POFUT3: variants seen among roughly 807,000 people sequenced by gnomAD.
The protein encoded by POFUT3 is GDP-fucose protein O-fucosyltransferase 3.
the POFUT3 span, among the ~76,000 whole-genome samples, chr8:33,444,534 T>A: frequency 6.6e-6 from 1 of 152,072 alleles, no homozygotes; most frequent in East Asian, 1.9e-4. Context: ...AATAATTATC[T>A]GGGCCGGGCG....
At chr8:33,339,074 A>T in the POFUT3 span, 2 of 152,214 alleles carry the variant, frequency 1.3e-5, no homozygotes, top group Non-Finnish European at 1.5e-5. Context: ...CAATCAATAG[A>T]TGCAACTACC....
the POFUT3 span, among the ~76,000 whole-genome samples, chr8:33,339,619 A>G: frequency 1.3e-5 from 2 of 152,310 alleles, no homozygotes; most frequent in East Asian, 3.9e-4. Flanking sequence ...ACATCAAGAC[A>G]TATCACATCA....
At chr8:33,431,544 T>A in the POFUT3 span, among the ~76,000 whole-genome samples, 1 of 41,336 alleles carries the variant, frequency 2.4e-5, no homozygotes, top group Non-Finnish European at 4.4e-5. Context: ...CAAGACCCTG[T>A]CTCAAAAAAA....
chr8:33,377,689 A>G, the POFUT3 span: 3 of 152,354 alleles, frequency 2.0e-5, no homozygotes, highest in East Asian at 5.8e-4. Flanking sequence ...CTGATGAAGT[A>G]GTTATGACAG....
the POFUT3 span, among the ~76,000 whole-genome samples, chr8:33,339,829 T>C: frequency 6.6e-6 from 1 of 152,128 alleles, no homozygotes; most frequent in South Asian, 2.1e-4. Flanking sequence ...AACAAAAATA[T>C]TCTTCAGAGA....
chr8:33,394,910 GCA>G, the POFUT3 span, among the ~76,000 whole-genome samples: 1 of 152,318 alleles, frequency 6.6e-6, no homozygotes, highest in South Asian at 2.1e-4. Context: ...TTCATAAAGA[GCA>G]CAGAGTCAGC....
chr8:33,319,674 ATT>A, the POFUT3 span, among the ~76,000 whole-genome samples: 3 of 76,320 alleles, frequency 3.9e-5, 1 homozygote, highest in Non-Finnish European at 6.6e-5. Context: ...TTTTATATAT[ATT>A]TATATATTAT....
chr8:33,389,887 T>C, the POFUT3 span: 2 of 883,610 alleles, frequency 2.3e-6, no homozygotes, highest in South Asian at 3.3e-5. Flanking sequence ...TACAGAGGAG[T>C]CTGAGGCTAT....
the POFUT3 span, among the ~76,000 whole-genome samples, chr8:33,334,091 T>C: frequency 5.9e-5 from 9 of 152,202 alleles, no homozygotes; most frequent in Non-Finnish European, 8.8e-5. Context: ...GCCAACAAGC[T>C]GAAAGTTACC....
the POFUT3 span, among the ~76,000 whole-genome samples, chr8:33,330,613 A>G: frequency 6.6e-6 from 1 of 152,170 alleles, no homozygotes; most frequent in Non-Finnish European, 1.5e-5. Flanking sequence ...TTCTGGCTCT[A>G]CCACTAACAA....
chr8:33,322,508 G>C, the POFUT3 span, among the ~76,000 whole-genome samples: 1 of 152,180 alleles, frequency 6.6e-6, no homozygotes. Flanking sequence ...TTTGAACACA[G>C]TCCTCTTATA....
At chr8:33,420,052 C>T in the POFUT3 span, among the ~76,000 whole-genome samples, 5 of 152,078 alleles carry the variant, frequency 3.3e-5, no homozygotes, top group African/African-American at 1.2e-4. Flanking sequence ...CACCTGAACC[C>T]ATGGAGGTCA....
chr8:33,402,520 C>G, the POFUT3 span, among the ~76,000 whole-genome samples: 1 of 152,160 alleles, frequency 6.6e-6, no homozygotes, highest in Non-Finnish European at 1.5e-5. Flanking sequence ...TTAACCATGT[C>G]TAGGATACCC....
the POFUT3 span, among the ~76,000 whole-genome samples, chr8:33,323,605 G>A: frequency 0.43 from 65,113 of 151,896 alleles, 15,706 homozygotes; most frequent in East Asian, 0.8. Context: ...TACCACATGT[G>A]GTGGAAGGTT....
chr8:33,431,763 A>C, the POFUT3 span, among the ~76,000 whole-genome samples: 2 of 151,976 alleles, frequency 1.3e-5, no homozygotes, highest in Non-Finnish European at 2.9e-5. Flanking sequence ...TTTTTTTACC[A>C]ATCAAGGCTA....
At chr8:33,393,470 T>C in the POFUT3 span, among the ~76,000 whole-genome samples, 1 of 152,206 alleles carries the variant, frequency 6.6e-6, no homozygotes, top group Non-Finnish European at 1.5e-5. Context: ...GGTGGCAGAT[T>C]GCTGACTATG....
chr8:33,427,328 A>G, the POFUT3 span, among the ~76,000 whole-genome samples: 1 of 152,186 alleles, frequency 6.6e-6, no homozygotes, highest in African/African-American at 2.4e-5. Flanking sequence ...CTGTAATCCC[A>G]GCATTTTGGG....
chr8:33,387,908 T>G, the POFUT3 span, among the ~76,000 whole-genome samples: 1 of 152,236 alleles, frequency 6.6e-6, no homozygotes, highest in Non-Finnish European at 1.5e-5. Context: ...GTGGGCCACC[T>G]CATTGTGTAA....
At chr8:33,339,518 A>G in the POFUT3 span, among the ~76,000 whole-genome samples, 4 of 152,220 alleles carry the variant, frequency 2.6e-5, no homozygotes, top group Non-Finnish European at 5.9e-5. Flanking sequence ...AAAGTACTCA[A>G]AGAAATAATG....
Sources: allele counts gnomAD v4.1 joint callset (sites outside exome capture counted in the v4.1 genomes callset), GRCh38; gene constraint gnomAD v4.1.1; transcripts MANE v1.5; gene names NCBI Gene and HGNC (gene_info 2026-07-23, HGNC 2026-07-21).